The following SPATA24 variants were observed in gnomAD, a reference collection of about 807,000 sequenced individuals.
The protein encoded by SPATA24 is spermatogenesis-associated protein 24.
SPATA24 carries 21 observed loss-of-function variants against 28.9 expected under a neutral mutation model. The observed-to-expected ratio is 0.73, with a 90% CI of 0.52 to 1.05. The LOEUF is 1.05. Ranked by LOEUF, SPATA24 falls within the 50% of genes least tolerant of loss-of-function variation. The pLI is 0.00. For missense variants in SPATA24, 215 were observed against 242.9 expected, an observed-to-expected ratio of 0.88 and a Z score of 0.76; for synonymous variants, 76 against 89.9, an observed-to-expected ratio of 0.85 and a Z score of 0.88.
intron 4 of SPATA24, among the ~76,000 whole-genome samples, chr5:139,397,450 C>T (rs1413628744): frequency 2.6e-5 from 4 of 152,096 alleles, no homozygotes; most frequent in African/African-American, 7.2e-5. Context: ...GGCGCCTGCC[C>T]TCAACTCCTG....
At chr5:139,401,505 T>C in intron 4 of SPATA24, 1 of 637,468 alleles carries the variant, frequency 1.6e-6, no homozygotes, top group East Asian at 2.7e-5. Context: ...GGTTGTATGT[T>C]TCAGGAAAAA....
rs1012664875 is a variant in SPATA24, at chr5:139,397,024, G to A, written c.488+17C>T. 53 of 1,551,516 alleles carry A rather than the reference G, an allele frequency of 3.4e-5. No homozygotes were observed. The highest frequency in any genetic ancestry group is 2.0e-4 in the Admixed American group (10 of 50,968). On this transcript the variant is annotated intron_variant, in intron 5 of 5. Transcript: ENST00000450845. ...CCAGTGTCATCAACAACCCCCAGCC[G>A]GGCCCAGACCCCTCACCTGAAGATC...
chr5:139,403,868 C>A, intron 1 of SPATA24, 76 bp downstream of exon 1: 2 of 1,270,474 alleles, frequency 1.6e-6, no homozygotes, highest in Non-Finnish European at 2.2e-6. Flanking sequence ...GCCCCCGCAT[C>A]GGAACAGGTT....
chr5:139,395,873 TC>T (rs975695386), downstream of SPATA24, among the ~76,000 whole-genome samples: 10 of 152,288 alleles, frequency 6.6e-5, no homozygotes, highest in Non-Finnish European at 1.2e-4. Flanking sequence ...TAGCTTGTGG[TC>T]CCAGCTCCAA....
At chr5:139,396,109 C>G (rs951132035), downstream of SPATA24, 3 of 909,700 alleles carry the variant, frequency 3.3e-6, no homozygotes, top group African/African-American at 5.4e-5. Flanking sequence ...AGCACTGCCC[C>G]CTCCTGTGCA....
chr5:139,394,846 C>T, downstream of SPATA24: 1 of 1,531,550 alleles, frequency 6.5e-7, no homozygotes, highest in South Asian at 1.2e-5. Flanking sequence ...GTGCCGCTGG[C>T]GGCTATTCTG....
At chr5:139,396,578 G>A (rs1561991180), downstream of SPATA24, 2 of 1,371,584 alleles carry the variant, frequency 1.5e-6, no homozygotes, top group African/African-American at 1.5e-5. Context: ...TGGGTAACCA[G>A]GGCTGTTTAT....
intron 4 of SPATA24, among the ~76,000 whole-genome samples, chr5:139,398,020 A>C (rs1317630820): frequency 6.6e-6 from 1 of 152,250 alleles, no homozygotes; most frequent in Non-Finnish European, 1.5e-5. Context: ...AGGTATACAA[A>C]AAGTATATTT....
At chr5:139,392,501 G>A (rs540903006), downstream of SPATA24, 6 of 1,350,088 alleles carry the variant, frequency 4.4e-6, no homozygotes, top group African/African-American at 1.5e-5. This position sits in a 1 kb window ranked among gnomAD's most constrained non-coding sequence, Gnocchi z 5.8. Context: ...TGCGGGGACC[G>A]GTCCGTGGGA....
chr5:139,395,085 G>A, downstream of SPATA24: 7 of 1,398,730 alleles, frequency 5.0e-6, no homozygotes, highest in Non-Finnish European at 6.5e-6. Flanking sequence ...TCAGCATGGT[G>A]GGGCCGGACG....
chr5:139,403,571 C>T (rs908611060), intron 1 of SPATA24, among the ~76,000 whole-genome samples: 1 of 152,176 alleles, frequency 6.6e-6, no homozygotes, highest in Non-Finnish European at 1.5e-5. Context: ...ACGGCACTGC[C>T]TTTGACTCTC....
chr5:139,402,726 GGCTGGAGTAGAAGGGGC>G, intron 1 of SPATA24, 33 bp from the exon 2 acceptor site: 1 of 1,539,644 alleles, frequency 6.5e-7, no homozygotes, highest in Non-Finnish European at 8.8e-7. Flanking sequence ...GAGGGCCTGG[GGCTGGAGTAGAAGGGGC>G]GCCCTCTAGG....
At chr5:139,401,585 C>A in intron 4 of SPATA24, 170 bp downstream of exon 4, 1 of 734,880 alleles carries the variant, frequency 1.4e-6, no homozygotes. Flanking sequence ...ATTTCCGTGG[C>A]CTGCCTGGTC....
chr5:139,397,716 AG>A (rs1244910651), intron 4 of SPATA24, among the ~76,000 whole-genome samples: 1 of 151,972 alleles, frequency 6.6e-6, no homozygotes, highest in Admixed American at 6.6e-5. Flanking sequence ...CACCACGCCC[AG>A]CTAATTTTTG....
chr5:139,402,781 T>A (rs887068624), intron 1 of SPATA24, 88 bp from the exon 2 acceptor site: 7 of 963,722 alleles, frequency 7.3e-6, no homozygotes, highest in Non-Finnish European at 1.1e-5. Flanking sequence ...GATAACAGGA[T>A]GATGCTCGTG....
At position 139,403,955 on chromosome 5, in the gene SPATA24, G is replaced by C. The variant is rs1441225530; in HGVS notation, c.106C>G (p.Leu36Val). The C allele has an allele frequency of 3.2e-6, 5 of 1,551,598 alleles. No homozygotes were observed. Among genetic ancestry groups the C allele is most frequent in the Non-Finnish European group, 3.5e-6 (4 of 1,146,848 alleles). ...CTCTGGCTGCATACCACGTTCCTCA[G>C]CTGGTGGATTAGTTCCTCCTGAGAC... ...IESQEELIHQ[L>V]RNVMVLQDEN... The change falls in exon 1 of 6, where the codon CTG (leucine) becomes GTG (valine). Residue 36 changes from leucine (L) to valine (V), a missense_variant. Coordinates refer to ENST00000450845, the MANE Select transcript of SPATA24 (RefSeq NM_194296.2).
downstream of SPATA24, chr5:139,394,219 G>A (rs1315148978): frequency 5.2e-6 from 8 of 1,548,760 alleles, no homozygotes; most frequent in East Asian, 4.9e-5. Flanking sequence ...GACCACGTGG[G>A]TGCTGCGGGC....
At chr5:139,398,361 A>G (rs921759358) in intron 4 of SPATA24, among the ~76,000 whole-genome samples, 3 of 151,828 alleles carry the variant, frequency 2.0e-5, no homozygotes, top group Admixed American at 2.0e-4. Context: ...CAGGAGTAAG[A>G]GACCAGTCTG....
At chr5:139,398,302 T>C (rs769686115) in intron 4 of SPATA24, among the ~76,000 whole-genome samples, 10 of 151,794 alleles carry the variant, frequency 6.6e-5, no homozygotes, top group Non-Finnish European at 1.3e-4. Flanking sequence ...AAATTAATCG[T>C]ACATTTGAGG....
Sources: gnomAD v4.1 joint callset for allele counts (sites outside exome capture counted in the v4.1 genomes callset) on GRCh38, gnomAD v4.1.1 for gene constraint, Gnocchi (gnomAD v3.1) non-coding constraint, MANE v1.5 for transcripts, NCBI Gene and HGNC (gene_info 2026-07-23, HGNC 2026-07-21) for gene names.